The following DDX27 variants were observed in gnomAD, a reference collection of about 807,000 sequenced individuals.
DDX27 encodes the protein DEAD-box helicase 27, also known as probable ATP-dependent RNA helicase DDX27.
In DDX27, 42 loss-of-function variants were observed where a neutral mutation model predicts 99.3. That is an observed-to-expected ratio of 0.42 (90% CI 0.33 to 0.55). The LOEUF is 0.55. DDX27 is among the 20% of genes least tolerant of loss of function. DDX27 has a pLI of 0.07. For synonymous variants in DDX27, 329 were observed against 353.8 expected (o/e 0.93, Z 0.79); for missense variants, 798 against 976.8 (o/e 0.82, Z 2.44).
At chr20:49,225,257 A>G in intron 6 of DDX27, 58 bp downstream of exon 6, 1 of 1,380,468 alleles carries the variant, frequency 7.2e-7, no homozygotes, top group African/African-American at 1.4e-5. Flanking sequence ...TATGTTGTCC[A>G]AGATGGTCTC....
chr20:49,224,445 C>T (rs1440852316), intron 4 of DDX27, among the ~76,000 whole-genome samples: 1 of 151,430 alleles, frequency 6.6e-6, no homozygotes, highest in Non-Finnish European at 1.5e-5. Context: ...TCACTGCAAC[C>T]TCTGCCTCCC....
chr20:49,238,242 C>T (rs1350554241), intron 14 of DDX27: 1 of 152,434 alleles, frequency 6.6e-6, no homozygotes, highest in Non-Finnish European at 1.5e-5. Flanking sequence ...TGGTCTCGAT[C>T]TCTTGACCTC....
intron 14 of DDX27, among the ~76,000 whole-genome samples, chr20:49,237,165 C>G (rs1231491351): frequency 6.6e-6 from 1 of 151,814 alleles, no homozygotes; most frequent in South Asian, 2.1e-4. Context: ...AGCTGCCTGT[C>G]TCTAAAAAAA....
intron 8 of DDX27, among the ~76,000 whole-genome samples, chr20:49,229,596 C>T (rs564666347): frequency 2.4e-4 from 37 of 151,686 alleles, no homozygotes; most frequent in Non-Finnish European, 3.7e-4. Flanking sequence ...GTAACAGACA[C>T]CTCATCACTT....
At chr20:49,242,805 TCCA>T in intron 19 of DDX27, 124 bp downstream of exon 19, 1 of 899,398 alleles carries the variant, frequency 1.1e-6, no homozygotes, top group Non-Finnish European at 1.7e-6. Flanking sequence ...CACTGCAAGC[TCCA>T]CCTCCTGGGT....
Position 49,241,783 on chromosome 20 carries a change from G to A in DDX27, c.1898-110G>A, listed in dbSNP as rs540711249. On this transcript the variant is annotated intron_variant, in intron 16 of 20. Transcript: ENST00000618172. ...TGCACTCGGCCAAGAAGTGCTTGCC[G>A]CTTTTCATTTTAATCTGCTAACTTA... The A allele has an allele frequency of 1.4e-3, 1,809 of 1,251,020 alleles. 6 individuals carry two copies. The highest frequency in any genetic ancestry group is 1.9e-3 in the Non-Finnish European group (1,684 of 871,924). 77.5% of individuals were successfully genotyped at this position (1,251,020 alleles called of 1,614,324 possible). A position where few individuals can be genotyped will look rare whatever the true frequency, so the allele number is the denominator to read the frequency against.
At chr20:49,219,907 A>T (rs370875659) in intron 1 of DDX27, among the ~76,000 whole-genome samples, 3 of 152,278 alleles carry the variant, frequency 2.0e-5, no homozygotes, top group South Asian at 4.1e-4. Context: ...TCATCGAGCC[A>T]GTGTTTATTG....
intron 7 of DDX27, among the ~76,000 whole-genome samples, chr20:49,228,104 G>A (rs1979966396): frequency 6.6e-6 from 1 of 151,182 alleles, no homozygotes; most frequent in Non-Finnish European, 1.5e-5. Context: ...CTCCCAAAGT[G>A]CTGGGATTAC....
At chr20:49,233,959 T>G in intron 11 of DDX27, 2 of 466,376 alleles carry the variant, frequency 4.3e-6, no homozygotes, top group Non-Finnish European at 3.9e-6. Context: ...GCTGCTGTTG[T>G]ACCCGTCAGT....
At chr20:49,235,953 G>A (rs1021625114) in intron 12 of DDX27, 197 bp from the exon 13 acceptor site, 24 of 388,640 alleles carry the variant, frequency 6.2e-5, no homozygotes, top group Middle Eastern at 1.4e-3. Context: ...CCGTGTTAGC[G>A]AGGATGGTCT....
Position 49,230,291 on chromosome 20 carries a change from A to C in DDX27, c.973A>C (p.Asn325His), listed in dbSNP as rs774799088. ...AGGCCGGCTCATCGATCACCTCCACAACTGCCCTTCCTTCCACCTGAGCAG... is the reference window on the plus strand; with the variant it reads ...AGGCCGGCTCATCGATCACCTCCACCACTGCCCTTCCTTCCACCTGAGCAG... The part of the protein sequence containing the change: ...TPGRLIDHLH[N>H]CPSFHLSSIE... The change falls in exon 9 of 21, where the codon AAC becomes CAC. Residue 325 changes from asparagine (N) to histidine (H), a missense_variant. Asn to His is a moderately conservative substitution (Grantham distance 68). Around this residue, in one of 2 missense-constraint regions of DDX27, gnomAD observed 553 missense variants for 727.9 expected, o/e 0.76. Transcript: ENST00000618172. 25 of 1,612,616 alleles carry C rather than the reference A, an allele frequency of 1.6e-5. No individual in the cohort carries two copies. The highest frequency in any genetic ancestry group is 2.1e-5 in the Non-Finnish European group (25 of 1,179,994).
At chr20:49,242,551 G>A (rs1436838296) in intron 18 of DDX27, 43 bp from the exon 19 acceptor site, 1 of 1,581,636 alleles carries the variant, frequency 6.3e-7, no homozygotes, top group South Asian at 1.1e-5. Flanking sequence ...TTAGGAGCTT[G>A]GGCCAAAGAC....
chr20:49,219,639 C>T, intron 1 of DDX27, 98 bp downstream of exon 1: 6 of 1,310,048 alleles, frequency 4.6e-6, no homozygotes, highest in Non-Finnish European at 6.1e-6. Flanking sequence ...CCCCTGCCAG[C>T]CCCGGAAGTT....
intron 4 of DDX27, 37 bp from the exon 5 acceptor site, chr20:49,224,908 T>G: frequency 1.9e-6 from 3 of 1,612,842 alleles, no homozygotes; most frequent in Non-Finnish European, 2.5e-6. Flanking sequence ...GCTTTGTAAG[T>G]CTGAGCCGTG....
chr20:49,223,526 G>T, intron 4 of DDX27, 93 bp downstream of exon 4: 8 of 1,153,622 alleles, frequency 6.9e-6, no homozygotes, highest in Non-Finnish European at 9.7e-6. Context: ...CTTCTGCACA[G>T]TTTATCTTTA....
chr20:49,220,470 C>T (rs1979612039), intron 1 of DDX27, among the ~76,000 whole-genome samples: 1 of 152,222 alleles, frequency 6.6e-6, no homozygotes, highest in Non-Finnish European at 1.5e-5. Flanking sequence ...GGGATCTCTG[C>T]GATACAGTCA....
At chr20:49,234,806 C>T (rs1481491466) in intron 11 of DDX27, 129 bp from the exon 12 acceptor site, 1 of 1,120,160 alleles carries the variant, frequency 8.9e-7, no homozygotes, top group Non-Finnish European at 1.2e-6. Context: ...AATTTGAGTT[C>T]CACAGGACAG....
At position 49,219,511 on chromosome 20, in the gene DDX27, C is replaced by A. The variant is rs150706749; in HGVS notation, c.63C>A (p.Pro21=). The A allele has an allele frequency of 3.7e-6, 6 of 1,613,688 alleles. No homozygotes were observed. In the African/African-American group the frequency reaches 5.3e-5, roughly 14 times the overall value. ...AGGATGACGAGGTGCCGGTGGAGCCCGAGTCTGACTCCGGGGACGAGGAAG... is the reference window on the plus strand; with the variant it reads ...AGGATGACGAGGTGCCGGTGGAGCCAGAGTCTGACTCCGGGGACGAGGAAG... ...IGEDDEVPVE[P]ESDSGDEEEE... is the part of the protein sequence containing the mutation. The change falls in exon 1 of 21, where the codon CCC becomes CCA. Residue 21 remains proline, a synonymous_variant. Transcript: ENST00000618172.
In DDX27 at chr20:49,239,293, G is replaced by C. The variant is rs201290515; in HGVS notation, c.1852G>C (p.Glu618Gln). 2 of 1,613,862 alleles carry C rather than the reference G, an allele frequency of 1.2e-6. No individual in the cohort carries two copies. Among genetic ancestry groups the C allele is most frequent in the African/African-American group, 2.7e-5 (2 of 74,914 alleles). The change falls in exon 16 of 21, where the codon GAG becomes CAG. Residue 618 changes from glutamate (E) to glutamine (Q), a missense_variant. Around this residue, in one of 2 missense-constraint regions of DDX27, gnomAD observed 553 missense variants for 727.9 expected, o/e 0.76. Transcript: ENST00000618172. ...KGKEAVVQEP[E>Q]RSWFQTKEER... Reference sequence around the variant, plus strand: ...GAAGGAGGCAGTGGTCCAAGAGCCCGAGAGGAGCTGGTTCCAGACCAAAGA... The same window carrying C: ...GAAGGAGGCAGTGGTCCAAGAGCCCCAGAGGAGCTGGTTCCAGACCAAAGA...
Sources: gnomAD v4.1 joint callset for allele counts (sites outside exome capture counted in the v4.1 genomes callset) on GRCh38, gnomAD v4.1.1 for gene constraint, gnomAD v4.1.1 regional missense constraint, MANE v1.5 for transcripts, NCBI Gene and HGNC (gene_info 2026-07-23, HGNC 2026-07-21) for gene names.